OR3A3: variants seen among roughly 807,000 people sequenced by gnomAD.
OR3A3 encodes the protein olfactory receptor family 3 subfamily A member 3.
For missense variants in OR3A3, 275 were observed against 391.4 expected (o/e 0.70, Z 2.51); for synonymous variants, 103 against 163.9 (o/e 0.63, Z 2.84).
intron 2 of OR3A3, among the ~76,000 whole-genome samples, chr17:3,419,977 C>T (rs190991517): frequency 1.2e-4 from 18 of 152,156 alleles, no homozygotes; most frequent in Non-Finnish European, 1.5e-5. Flanking sequence ...CTGTGTTAGC[C>T]AGGATGGTCT....
chr17:3,416,656 A>T (rs2072393743), intron 2 of OR3A3, among the ~76,000 whole-genome samples: 2 of 151,996 alleles, frequency 1.3e-5, no homozygotes, highest in African/African-American at 2.4e-5. Flanking sequence ...TTCATAGAAA[A>T]CTTTTATAAC....
intron 2 of OR3A3, among the ~76,000 whole-genome samples, chr17:3,416,453 C>CAAAAAA (rs56117626): frequency 6.8e-6 from 1 of 147,698 alleles, no homozygotes. Flanking sequence ...GCACACTTCG[C>CAAAAAA]AAAAAAAAAA....
intron 2 of OR3A3, 148 bp downstream of exon 2, chr17:3,412,319 G>A (rs1336795752): frequency 2.7e-5 from 4 of 148,936 alleles, no homozygotes; most frequent in African/African-American, 7.4e-5. Flanking sequence ...CGGAGGTCCT[G>A]GGTTCTTTTG....
chr17:3,411,568 C>T (rs227794), intron 1 of OR3A3, 84 bp downstream of exon 1: 53,412 of 151,614 alleles, frequency 0.35, 8,396 homozygotes, highest in Admixed American at 0.49. Context: ...ACTCGGGAGG[C>T]TGAGGCAGGA....
At chr17:3,413,844 AC>A (rs1336826424) in intron 2 of OR3A3, among the ~76,000 whole-genome samples, 368 of 143,782 alleles carry the variant, frequency 2.6e-3, no homozygotes, top group African/African-American at 8.5e-3. Flanking sequence ...AAAACAAAAA[AC>A]AAAAAAAAAA....
chr17:3,413,882 C>T (rs1466952211), intron 2 of OR3A3, among the ~76,000 whole-genome samples: 3 of 151,798 alleles, frequency 2.0e-5, no homozygotes, highest in African/African-American at 7.3e-5. Context: ...TAGAGATTAC[C>T]GCATCCACAT....
chr17:3,415,561 CAAA>C (rs373566506), intron 2 of OR3A3, among the ~76,000 whole-genome samples: 3 of 110,770 alleles, frequency 2.7e-5, no homozygotes, highest in Admixed American at 2.0e-4. Context: ...AACTCCAACT[CAAA>C]AAAAAAAAAA....
exon 3 of OR3A3, chr17:3,420,961 C>T (rs769432): frequency 0.54 from 872,113 of 1,611,482 alleles, 247,709 homozygotes; most frequent in Non-Finnish European, 0.59. Context: ...CTATGACCGA[C>T]TCCTGGCCAT....
At chr17:3,413,031 A>C (rs920776480) in intron 2 of OR3A3, among the ~76,000 whole-genome samples, 7 of 152,254 alleles carry the variant, frequency 4.6e-5, no homozygotes, top group Admixed American at 1.3e-4. Context: ...CAAATATTGA[A>C]GTATTATGAT....
At chr17:3,420,990 C>T in exon 3 of OR3A3, 3 of 1,613,848 alleles carry the variant, frequency 1.9e-6, no homozygotes, top group Non-Finnish European at 2.5e-6. Flanking sequence ...CCCTCACCTA[C>T]AGCACCCGCA....
intron 2 of OR3A3, among the ~76,000 whole-genome samples, chr17:3,412,782 A>C (rs1219450504): frequency 6.6e-6 from 1 of 152,094 alleles, no homozygotes; most frequent in East Asian, 1.9e-4. Context: ...TGGGAGGTTT[A>C]AGTAAAAAGA....
intron 2 of OR3A3, among the ~76,000 whole-genome samples, chr17:3,414,111 G>T (rs533064026): frequency 1.3e-5 from 2 of 152,024 alleles, no homozygotes; most frequent in East Asian, 3.9e-4. Context: ...AGACGGAGTC[G>T]CCCAGGCTGG....
chr17:3,413,353 T>C (rs112051388), intron 2 of OR3A3, among the ~76,000 whole-genome samples: 23 of 152,272 alleles, frequency 1.5e-4, no homozygotes, highest in African/African-American at 5.1e-4. Context: ...GGAAGTGGAC[T>C]TGGAGGAAAA....
At chr17:3,419,757 G>A (rs1176358290) in intron 2 of OR3A3, among the ~76,000 whole-genome samples, 227 of 137,124 alleles carry the variant, frequency 1.7e-3, no homozygotes, top group African/African-American at 5.5e-3. Context: ...TTTTTGAGAC[G>A]GAGTCTCACT....
intron 2 of OR3A3, among the ~76,000 whole-genome samples, chr17:3,416,405 TTAACA>T (rs1459297135): frequency 2.6e-5 from 4 of 152,110 alleles, no homozygotes; most frequent in African/African-American, 9.6e-5. Flanking sequence ...TTTCTTTACT[TTAACA>T]TAAATTTTTT....
intron 2 of OR3A3, among the ~76,000 whole-genome samples, chr17:3,412,524 G>A (rs1439837316): frequency 6.8e-6 from 1 of 148,142 alleles, no homozygotes; most frequent in East Asian, 2.0e-4. Flanking sequence ...GCAGGGAGCT[G>A]TCACAGCTCG....
chr17:3,421,455 A>T, exon 3 of OR3A3: 1 of 1,590,530 alleles, frequency 6.3e-7, no homozygotes, highest in Non-Finnish European at 8.6e-7. Context: ...TGCTGAACCC[A>T]CTTATCTACA....
chr17:3,415,765 CGTTTT>C (rs1276521985), intron 2 of OR3A3, among the ~76,000 whole-genome samples: 2 of 145,262 alleles, frequency 1.4e-5, no homozygotes, highest in African/African-American at 5.1e-5. Context: ...GAGTTTAGTT[CGTTTT>C]ATTTTATTTT....
exon 3 of OR3A3, chr17:3,422,492 T>A (rs2072441639): frequency 6.6e-6 from 1 of 152,224 alleles, no homozygotes; most frequent in Non-Finnish European, 1.5e-5. Flanking sequence ...TACTTTTCTA[T>A]CCCAAACCTT....
Sources: allele counts gnomAD v4.1 joint callset (sites outside exome capture counted in the v4.1 genomes callset), GRCh38; gene constraint gnomAD v4.1.1; transcripts MANE v1.5; gene names NCBI Gene and HGNC (gene_info 2026-07-23, HGNC 2026-07-21).